Variants in NUP98 observed in about 807,000 individuals in gnomAD.
NUP98 encodes nucleoporin 98 and 96 precursor, also known as nuclear pore complex protein Nup98-Nup96.
NUP98 carries 26 observed loss-of-function variants against 191.9 expected under a neutral mutation model. The ratio of observed to expected loss-of-function variants is 0.14; its 90% CI spans 0.10 to 0.19. The LOEUF is 0.19. Ranked by LOEUF, NUP98 falls within the 10% of genes least tolerant of loss-of-function variation. The probability of loss-of-function intolerance (pLI) is 1.00; values close to 1 mark genes in which losing one functional copy is unlikely to be tolerated. For synonymous variants in NUP98, 808 were observed against 778.4 expected, an observed-to-expected ratio of 1.04 and a Z score of -0.63; for missense variants, 1,941 against 2,178.8, an observed-to-expected ratio of 0.89 and a Z score of 2.17.
chr11:3,705,679 G>T (rs2078838521), intron 21 of NUP98, among the ~76,000 whole-genome samples: 1 of 152,168 alleles, frequency 6.6e-6, no homozygotes, highest in African/African-American at 2.4e-5. Context: ...CTGGGATAAA[G>T]GGAAGTAAAG....
chr11:3,680,932 C>G (rs772310685), intron 30 of NUP98, among the ~76,000 whole-genome samples: 8 of 152,152 alleles, frequency 5.3e-5, no homozygotes, highest in Non-Finnish European at 8.8e-5. Flanking sequence ...GTGATCATGG[C>G]TCACTGCAGC....
intron 1 of NUP98, among the ~76,000 whole-genome samples, chr11:3,790,628 T>C (rs1228116015): frequency 7.2e-5 from 11 of 152,188 alleles, no homozygotes; most frequent in Non-Finnish European, 1.5e-4. Flanking sequence ...CAACCCCAAA[T>C]GGTGCTGAAC....
Position 3,738,070 on chromosome 11 carries a change from T to C in NUP98, c.1409-2746A>G, listed in dbSNP as rs118103254. On this transcript the variant is annotated intron_variant, in intron 12 of 32. Coordinates refer to ENST00000324932, the MANE Select transcript of NUP98 (RefSeq NM_016320.5). ...CCCATCGTTTAACAAGTACAAATCATTCTACCTGGGCGTTCTCAAAAAAAA... is the reference window on the plus strand; with the variant it reads ...CCCATCGTTTAACAAGTACAAATCACTCTACCTGGGCGTTCTCAAAAAAAA... Among the ~76,000 whole-genome samples, 717 of 142,862 alleles carry C rather than the reference T, an allele frequency of 5.0e-3. 5 individuals carry two copies. The highest frequency in any genetic ancestry group is 9.4e-3 in the Non-Finnish European group (618 of 66,064). The allele number at this position is 142,862 out of a possible 152,430, so 93.7% of individuals were successfully genotyped here. A position where few individuals can be genotyped will look rare whatever the true frequency, so the allele number is the denominator to read the frequency against.
chr11:3,770,742 T>C (rs1285152630), intron 7 of NUP98, among the ~76,000 whole-genome samples: 1 of 152,174 alleles, frequency 6.6e-6, no homozygotes, highest in Non-Finnish European at 1.5e-5. Context: ...TTTGCAAAAG[T>C]AGTATTTTTG....
chr11:3,687,681 C>G (rs777053232), intron 28 of NUP98, among the ~76,000 whole-genome samples: 2 of 152,098 alleles, frequency 1.3e-5, no homozygotes, highest in Admixed American at 6.6e-5. Context: ...TGACCAGTAT[C>G]AAAAAGAAAG....
rs756335135 is a variant in NUP98, at chr11:3,699,281, G to C, written c.3810C>G (p.Asp1270Glu). Residue 1270 changes from aspartate to glutamate, a missense_variant, in exon 25 of 33, where the codon GAC (aspartate) becomes GAG (glutamate). Asp to Glu is a conservative substitution (Grantham distance 45). This residue lies in a region of NUP98 where 1,030 missense variants were observed against 1,115.8 expected (regional missense o/e 0.92). Transcript: ENST00000324932. Reference protein sequence around the residue: ...EALWGHLKELDSQLNEPREYI... With the variant: ...EALWGHLKELESQLNEPREYI... ...ATTCACGGGGTTCATTTAGCTGGCT[G>C]TCAAGCTCCTTCAGGTGGCCCCATA... 3.1e-6 allele frequency: 5 copies of C among 1,614,070 alleles called. No individual in the cohort carries two copies. In the African/African-American group the frequency reaches 6.7e-5, roughly 22 times the overall value.
rs967476409 is a variant in NUP98 at position 3,695,027 on chromosome 11, G to A, written c.4167+422C>T. Among the ~76,000 whole-genome samples, 4 of 152,152 alleles carry A rather than the reference G, an allele frequency of 2.6e-5. No homozygotes were observed. In the South Asian group the frequency reaches 8.3e-4, roughly 32 times the overall value. On this transcript the variant is annotated intron_variant, in intron 26 of 32. Coordinates refer to ENST00000324932, the MANE Select transcript of NUP98 (RefSeq NM_016320.5). ...TAGACTTAAAAACTAGCTGTGTATG[G>A]TAGCGTGTGCCTGTAGTCCCAGCTA...
At position 3,693,254 on chromosome 11, in the gene NUP98, C is replaced by T; in HGVS notation, c.4289G>A (p.Ser1430Asn). ...PPTASISRAL[S>N]MYEEAFQNTS... ...TACCTGAAATGCTTCTTCATACATG[C>T]TGAGCGCCCTAGAAATGGAGGCTGT... Residue 1430 changes from serine (S) to asparagine (N), a missense_variant, in exon 27 of 33, where the codon AGC becomes AAC. Around this residue, in one of 6 missense-constraint regions of NUP98, gnomAD observed 1,030 missense variants for 1,115.8 expected, o/e 0.92. Coordinates refer to ENST00000324932, the MANE Select transcript of NUP98 (RefSeq NM_016320.5). 6.2e-7 allele frequency: 1 copy of T among 1,614,152 alleles called. No homozygotes were observed. Among genetic ancestry groups the T allele is most frequent in the East Asian group, 2.2e-5 (1 of 44,882 alleles).
At chr11:3,696,800 A>T (rs1451744632) in intron 25 of NUP98, 12 of 151,426 alleles carry the variant, frequency 7.9e-5, no homozygotes, top group Admixed American at 7.9e-4. Context: ...ACAGAGCGAG[A>T]CTGTCTCGAA....
At chr11:3,764,422 CTA>C (rs1268630200) in intron 8 of NUP98, among the ~76,000 whole-genome samples, 2 of 152,134 alleles carry the variant, frequency 1.3e-5, no homozygotes, top group African/African-American at 4.8e-5. Flanking sequence ...GTGTACAAGT[CTA>C]TGTCTTATTT....
Position 3,685,958 on chromosome 11 carries a change from C to T in NUP98, c.4676+15G>A, listed in dbSNP as rs375756261. The T allele has an allele frequency of 4.1e-5, 66 of 1,607,404 alleles. No homozygotes were observed. The highest frequency in any genetic ancestry group is 1.9e-4 in the Middle Eastern group (1 of 5,296). ...TGCTAGATGTACCCAGTGGGTTCAA[C>T]GGCTTCTCACTCACCCTGAGTTGTC... is the stretch of plus-strand genomic sequence containing the variant. On this transcript the variant is annotated intron_variant, in intron 29 of 32. Coordinates refer to ENST00000324932, the MANE Select transcript of NUP98 (RefSeq NM_016320.5).
chr11:3,767,686 T>C (rs1319830078), intron 8 of NUP98, among the ~76,000 whole-genome samples: 1 of 152,138 alleles, frequency 6.6e-6, no homozygotes, highest in Non-Finnish European at 1.5e-5. Context: ...CAAGTCCTGA[T>C]CAATTACTCA....
At chr11:3,768,295 C>A (rs989684512) in intron 8 of NUP98, among the ~76,000 whole-genome samples, 3 of 151,874 alleles carry the variant, frequency 2.0e-5, no homozygotes, top group Non-Finnish European at 4.4e-5. Context: ...GTGGTGGACA[C>A]CTGTAGTCCC....
intron 30 of NUP98, among the ~76,000 whole-genome samples, chr11:3,680,865 TTTTTC>T (rs2077963240): frequency 1.3e-5 from 2 of 152,120 alleles, no homozygotes; most frequent in Middle Eastern, 3.4e-3. Flanking sequence ...TTCTTTTTTG[TTTTTC>T]TTTTCTTTAA....
chr11:3,731,462 T>C lies in NUP98; in HGVS notation c.1659A>G (p.Thr553=), dbSNP rs1184799962. 8 of 1,608,410 alleles carry C rather than the reference T, an allele frequency of 5.0e-6. No homozygotes were observed. The East Asian group carries it at 1.8e-4, about 36-fold the overall frequency. ...VRPKALQTTG[T]AKSHLFDGLD... The stretch of plus-strand genomic sequence containing the variant: ...GCCCATCAAAGAGATGTGACTTGGC[T>C]GTGCCTGTTGTTTGTAAAGCCTTTG... Residue 553 remains threonine, a synonymous_variant, in exon 14 of 33, where the codon ACA becomes ACG. Transcript: ENST00000324932.
Position 3,706,562 on chromosome 11 carries a change from G to C in NUP98, c.2808C>G (p.Ile936Met), listed in dbSNP as rs531277328. The change falls in exon 21 of 33, where the codon ATC (isoleucine) becomes ATG (methionine). Residue 936 changes from isoleucine (I) to methionine (M), a missense_variant. Ile to Met is a conservative substitution (Grantham distance 10). This residue lies in a region of NUP98 where 1,030 missense variants were observed against 1,115.8 expected (regional missense o/e 0.92). Transcript: ENST00000324932. ...VVELDSDMVD[I>M]TQEPVLDTML... ...TGGTATCCAAAACTGGCTCCTGGGT[G>C]ATATCTACCATGTCACTGTCCAGTT... The C allele has an allele frequency of 2.5e-6, 4 of 1,613,994 alleles. No individual in the cohort carries two copies. The highest frequency in any genetic ancestry group is 2.7e-5 in the African/African-American group (2 of 74,926).
At chr11:3,791,116 C>T (rs12791474) in intron 1 of NUP98, among the ~76,000 whole-genome samples, 55,008 of 151,588 alleles carry the variant, frequency 0.36, 10,414 homozygotes, top group African/African-American at 0.48. Context: ...AGGATGGTCT[C>T]GATCTCCTGA....
intron 11 of NUP98, among the ~76,000 whole-genome samples, chr11:3,745,849 T>C (rs1471633026): frequency 2.0e-5 from 3 of 152,158 alleles, no homozygotes; most frequent in East Asian, 3.8e-4. Context: ...GTCAAAAATA[T>C]TGTATGGGAA....
At chr11:3,783,109 G>A (rs140924531) in intron 1 of NUP98, among the ~76,000 whole-genome samples, 16 of 152,174 alleles carry the variant, frequency 1.1e-4, no homozygotes, top group African/African-American at 3.6e-4. Flanking sequence ...CCTCACCTCT[G>A]GCCAGGCACA....
Sources: allele counts gnomAD v4.1 joint callset (sites outside exome capture counted in the v4.1 genomes callset), GRCh38; gene constraint gnomAD v4.1.1; regional missense constraint gnomAD v4.1.1; transcripts MANE v1.5; gene names NCBI Gene and HGNC (gene_info 2026-07-23, HGNC 2026-07-21).